ADAMTS2: variants seen among roughly 807,000 people sequenced by gnomAD.
ADAMTS2 encodes the protein ADAM metallopeptidase with thrombospondin type 1 motif 2.
In ADAMTS2, 50 loss-of-function variants were observed where a neutral mutation model predicts 123.0. The observed-to-expected ratio is 0.41, with a 90% CI of 0.32 to 0.51. The LOEUF (loss-of-function observed/expected upper bound fraction) is 0.51, where lower values mean the gene tolerates loss of function less well. Among genes scored for constraint, ADAMTS2 ranks in the 20% least tolerant of loss-of-function variants. ADAMTS2 has a pLI of 0.35. For missense variants in ADAMTS2, 1,494 were observed against 1,705.2 expected, an observed-to-expected ratio of 0.88 and a Z score of 2.18; for synonymous variants, 678 against 695.4, an observed-to-expected ratio of 0.98 and a Z score of 0.39.
chr5:179,122,556 A>G, intron 20 of ADAMTS2, 88 bp downstream of exon 20: 5 of 1,512,052 alleles, frequency 3.3e-6, no homozygotes, highest in Non-Finnish European at 3.6e-6. Context: ...CTCCGGGAAG[A>G]GCCAGATTTG....
At chr5:179,248,294 C>G (rs1353830501) in intron 3 of ADAMTS2, among the ~76,000 whole-genome samples, 1 of 151,638 alleles carries the variant, frequency 6.6e-6, no homozygotes, top group East Asian at 1.9e-4. Flanking sequence ...GTGTTAAACA[C>G]AAAAGAAGGA....
intron 3 of ADAMTS2, among the ~76,000 whole-genome samples, chr5:179,212,467 G>A (rs1222065934): frequency 6.8e-6 from 1 of 147,510 alleles, no homozygotes; most frequent in Non-Finnish European, 1.5e-5. Context: ...CAGTGGGCAC[G>A]TGTGGGCCCT....
At chr5:179,241,036 G>C (rs1765657090) in intron 3 of ADAMTS2, among the ~76,000 whole-genome samples, 1 of 152,244 alleles carries the variant, frequency 6.6e-6, no homozygotes, top group South Asian at 2.1e-4. Context: ...GCAGGAGTGA[G>C]CTTGAGTGTT....
intron 21 of ADAMTS2, 39 bp from the exon 22 acceptor site, chr5:179,114,363 A>T: frequency 6.3e-7 from 1 of 1,585,962 alleles, no homozygotes; most frequent in South Asian, 1.1e-5. Flanking sequence ...AAAGGACAAG[A>T]TAAGGGGGAC....
chr5:179,113,718 T>A lies in ADAMTS2; in HGVS notation c.*149A>T. On this transcript the variant is annotated 3_prime_UTR_variant, in exon 22 of 22. Coordinates refer to ENST00000251582, the MANE Select transcript of ADAMTS2 (RefSeq NM_014244.5). ...CCTAGTTACCACATGCTCATGCCTA[T>A]CTTTCTTACGTCATTCCCCCTCTTT... 2 of 820,080 alleles carry A rather than the reference T, an allele frequency of 2.4e-6. No homozygotes were observed. The highest frequency in any genetic ancestry group is 2.2e-5 in the Admixed American group (1 of 46,018). The allele number at this position is 820,080 out of a possible 1,614,324, so 50.8% of individuals were successfully genotyped here. A position where few individuals can be genotyped will look rare whatever the true frequency, so the allele number is the denominator to read the frequency against.
At position 179,272,205 on chromosome 5, in the gene ADAMTS2, C is replaced by A. The variant is rs191050424; in HGVS notation, c.688+706G>T. 9.4e-4 allele frequency among the ~76,000 whole-genome samples: 143 copies of A among 152,294 alleles called. No homozygotes were observed. Among genetic ancestry groups the A allele is most frequent in the African/African-American group, 3.3e-3 (136 of 41,566 alleles). On this transcript the variant is annotated intron_variant, in intron 3 of 21. Coordinates refer to ENST00000251582, the MANE Select transcript of ADAMTS2 (RefSeq NM_014244.5). This position sits in a 1 kb window ranked among gnomAD's most constrained non-coding sequence, Gnocchi z 5.8. ...GGAGGTGTGGGCTGGCACAGTGAGG[C>A]CAGATCTGAGGCGACAGTCATGGAC...
chr5:179,268,213 C>T (rs144177070), intron 3 of ADAMTS2, among the ~76,000 whole-genome samples: 175 of 152,360 alleles, frequency 1.1e-3, no homozygotes, highest in African/African-American at 3.7e-3. Context: ...GCCTCCCAGA[C>T]GCCCTGTGCC....
rs1762685697 is a variant in ADAMTS2 at position 179,117,645 on chromosome 5, T to TGGGTTCAAGAGCCTCCC, written c.3179-3338_3179-3322dup. Among the ~76,000 whole-genome samples, 1 of 151,718 alleles carries TGGGTTCAAGAGCCTCCC rather than the reference T, an allele frequency of 6.6e-6. No homozygotes were observed. On this transcript the variant is annotated intron_variant, in intron 21 of 21. Coordinates refer to ENST00000251582, the MANE Select transcript of ADAMTS2 (RefSeq NM_014244.5). The surrounding 1 kb of genome is among the most constrained non-coding windows in gnomAD (Gnocchi z 4.2). ...TTGGCTCACTGCAACCTCCGCCTCC[T>TGGGTTCAAGAGCCTCCC]GGGTTCAAGAGCCTCCCGAGTAGCT...
chr5:179,211,731 G>A (rs1210334187), intron 3 of ADAMTS2, among the ~76,000 whole-genome samples: 8 of 152,164 alleles, frequency 5.3e-5, no homozygotes, highest in South Asian at 2.1e-4. Context: ...CAGTAGCCAC[G>A]GGCTCATCCA....
intron 3 of ADAMTS2, among the ~76,000 whole-genome samples, chr5:179,258,721 G>A (rs563258207): frequency 6.6e-6 from 1 of 152,326 alleles, no homozygotes; most frequent in African/African-American, 2.4e-5. Context: ...CAGAGGAAAT[G>A]ATTCTAGCGA....
In ADAMTS2 at chr5:179,137,893, G is replaced by A. The variant is rs150448689; in HGVS notation, c.1827C>T (p.Leu609=). The change falls in exon 12 of 22, where the codon CTC becomes CTT. Residue 609 remains leucine (L), a synonymous_variant. Coordinates refer to ENST00000251582, the MANE Select transcript of ADAMTS2 (RefSeq NM_014244.5). ...TCSGLAYDFQ[L]CSRQDCPDSL... ...AGTCGGGGCAGTCCTGGCGGCTGCA[G>A]AGCTGGAAGTCGTAGGCAAGGCCCG... 4.5e-6 allele frequency: 7 copies of A among 1,555,454 alleles called. No individual in the cohort carries two copies. The highest frequency in any genetic ancestry group is 2.7e-5 in the African/African-American group (2 of 73,430).
At chr5:179,183,868 A>G (rs1764104726) in intron 4 of ADAMTS2, among the ~76,000 whole-genome samples, 1 of 152,122 alleles carries the variant, frequency 6.6e-6, no homozygotes, top group South Asian at 2.1e-4. Flanking sequence ...GACCCTCATG[A>G]TAGGGTTAGT....
Position 179,321,192 on chromosome 5 carries a change from C to T in ADAMTS2, c.534+22575G>A, listed in dbSNP as rs139486415. On this transcript the variant is annotated intron_variant, in intron 2 of 21. Coordinates refer to ENST00000251582, the MANE Select transcript of ADAMTS2 (RefSeq NM_014244.5). ...TCTCCATCTCCCGGATCCTCATCCTCGGTCCCTGAGCAAACTCAAGCCACC... is the reference window on the plus strand; with the variant it reads ...TCTCCATCTCCCGGATCCTCATCCTTGGTCCCTGAGCAAACTCAAGCCACC... Among the ~76,000 whole-genome samples, 22 of 152,264 alleles carry T rather than the reference C, an allele frequency of 1.4e-4. 1 individual carries two copies. The highest frequency in any genetic ancestry group is 1.2e-3 in the East Asian group (6 of 5,182).
chr5:179,132,651 C>T lies in ADAMTS2; in HGVS notation c.2209+126G>A. On this transcript the variant is annotated intron_variant, in intron 14 of 21. Transcript: ENST00000251582. This position sits in a 1 kb window ranked among gnomAD's most constrained non-coding sequence, Gnocchi z 6.1. ...TCTCCCTCCCCCTCAGTGTCACAGA[C>T]CTCTCCCCCTCCCCAGAACAGTCAT... 1 of 1,311,362 alleles carries T rather than the reference C, an allele frequency of 7.6e-7. No individual in the cohort carries two copies. The highest frequency in any genetic ancestry group is 1.1e-6 in the Non-Finnish European group (1 of 940,022). The allele number at this position is 1,311,362 out of a possible 1,614,324, so 81.2% of individuals were successfully genotyped here.
rs558062968 is a variant in ADAMTS2 at position 179,140,885 on chromosome 5, C to T, written c.1630-850G>A. 6.2e-5 allele frequency among the ~76,000 whole-genome samples: 9 copies of T among 145,416 alleles called. No homozygotes were observed. In the South Asian group the frequency reaches 8.9e-4, roughly 14 times the overall value. ...GACGATCTTGGCTCACTGCAACCTCCGCCTCCTGGGTTCAAGCGATTCTCT... is the reference window on the plus strand; with the variant it reads ...GACGATCTTGGCTCACTGCAACCTCTGCCTCCTGGGTTCAAGCGATTCTCT... On this transcript the variant is annotated intron_variant, in intron 10 of 21. Coordinates refer to ENST00000251582, the MANE Select transcript of ADAMTS2 (RefSeq NM_014244.5).
At chr5:179,230,358 C>T (rs1464425380) in intron 3 of ADAMTS2, among the ~76,000 whole-genome samples, 1 of 152,154 alleles carries the variant, frequency 6.6e-6, no homozygotes, top group Non-Finnish European at 1.5e-5. Flanking sequence ...ACTCACAGGG[C>T]ATTGATGCCG....
chr5:179,245,601 C>T (rs1262840911), intron 3 of ADAMTS2, among the ~76,000 whole-genome samples: 1 of 149,502 alleles, frequency 6.7e-6, no homozygotes, highest in Non-Finnish European at 1.5e-5. Context: ...CCCGTCTCTA[C>T]TAAAAATACA....
chr5:179,300,318 G>T (rs1037493342), intron 2 of ADAMTS2, among the ~76,000 whole-genome samples: 3 of 152,028 alleles, frequency 2.0e-5, no homozygotes, highest in Non-Finnish European at 4.4e-5. Flanking sequence ...AAAAGGGTAG[G>T]ATTTCATGGT....
At chr5:179,241,981 T>C (rs117622877) in intron 3 of ADAMTS2, among the ~76,000 whole-genome samples, 4 of 152,124 alleles carry the variant, frequency 2.6e-5, no homozygotes, top group African/African-American at 9.7e-5. Flanking sequence ...CCAGTGGCTG[T>C]GGTGGGGGGG....
Sources: gnomAD v4.1 joint callset for allele counts (sites outside exome capture counted in the v4.1 genomes callset) on GRCh38, gnomAD v4.1.1 for gene constraint, Gnocchi (gnomAD v3.1) non-coding constraint, MANE v1.5 for transcripts, NCBI Gene and HGNC (gene_info 2026-07-23, HGNC 2026-07-21) for gene names.